ZDHHC11: variants seen among roughly 807,000 people sequenced by gnomAD.
The protein encoded by ZDHHC11 is palmitoyltransferase ZDHHC11.
In ZDHHC11, 44 loss-of-function variants were observed where a neutral mutation model predicts 51.3. The observed-to-expected ratio is 0.86, with a 90% CI of 0.67 to 1.10. The LOEUF (loss-of-function observed/expected upper bound fraction) is 1.10, where lower values mean the gene tolerates loss of function less well. Ranked by LOEUF, ZDHHC11 falls within the 50% of genes least tolerant of loss-of-function variation. The probability of loss-of-function intolerance (pLI) is 0.00; values close to 1 mark genes in which losing one functional copy is unlikely to be tolerated. For missense variants in ZDHHC11, 400 were observed against 537.7 expected, an observed-to-expected ratio of 0.74 and a Z score of 2.53; for synonymous variants, 163 against 222.0, an observed-to-expected ratio of 0.73 and a Z score of 2.36.
At chr5:858,610 G>A (rs1057434171) in intron 1 of ZDHHC11, among the ~76,000 whole-genome samples, 2 of 152,068 alleles carry the variant, frequency 1.3e-5, no homozygotes, top group East Asian at 1.9e-4. Context: ...CCCCCCAAAC[G>A]TGTCCTCGTC....
intron 11 of ZDHHC11, among the ~76,000 whole-genome samples, chr5:808,520 C>T (rs1341273637): frequency 6.7e-6 from 1 of 148,910 alleles, no homozygotes; most frequent in Non-Finnish European, 1.5e-5. Flanking sequence ...AACACACTTA[C>T]GTGTTCCATC....
rs561114627 is a variant in ZDHHC11, at chr5:818,092, G to A, written c.1146+1433C>T. On this transcript the variant is annotated intron_variant, in intron 10 of 12. Transcript: ENST00000283441. ...CGGAGACGCGGGCTTGGGATCCAAC[G>A]TGATGCTGAGCGGATCTTCTCTGCT... Among the ~76,000 whole-genome samples the A allele has an allele frequency of 1.3e-5, 2 of 151,384 alleles. 1 individual carries two copies. Among genetic ancestry groups the A allele is most frequent in the South Asian group, 4.2e-4 (2 of 4,774 alleles).
intron 1 of ZDHHC11, 92 bp from the exon 2 acceptor site, chr5:848,752 G>C: frequency 6.5e-7 from 1 of 1,531,658 alleles, no homozygotes; most frequent in Non-Finnish European, 8.8e-7. Context: ...AGGCGTGGCC[G>C]CTGGTCAGCC....
intron 3 of ZDHHC11, among the ~76,000 whole-genome samples, chr5:846,570 C>G (rs1746203103): frequency 6.8e-6 from 1 of 147,376 alleles, no homozygotes. Context: ...CCACCGTGCT[C>G]AGGGGAAACA....
chr5:855,991 G>C (rs902929736), intron 1 of ZDHHC11, among the ~76,000 whole-genome samples: 1 of 151,974 alleles, frequency 6.6e-6, no homozygotes, highest in Non-Finnish European at 1.5e-5. Context: ...GCGGAGGACA[G>C]CAAGCAAGGG....
At chr5:860,418 C>T (rs370527892), upstream of ZDHHC11, among the ~76,000 whole-genome samples, 1 of 152,204 alleles carries the variant, frequency 6.6e-6, no homozygotes, top group East Asian at 1.9e-4. The surrounding 1 kb of genome is among the most constrained non-coding windows in gnomAD (Gnocchi z 4.2). Context: ...CGTCCTGACA[C>T]CTGCAGGTAT....
intron 7 of ZDHHC11, among the ~76,000 whole-genome samples, chr5:825,526 C>T (rs1238433523): frequency 2.0e-5 from 3 of 152,158 alleles, no homozygotes; most frequent in African/African-American, 7.2e-5. Flanking sequence ...ACCTGCCCTA[C>T]ACCAGTGCCT....
At chr5:798,398 C>T (rs1318314745) in intron 12 of ZDHHC11, among the ~76,000 whole-genome samples, 1 of 151,632 alleles carries the variant, frequency 6.6e-6, no homozygotes, top group African/African-American at 2.4e-5. Context: ...CTCACATGGA[C>T]ACGGACACGC....
At chr5:839,551 T>G (rs1744430426) in intron 5 of ZDHHC11, 2 of 149,634 alleles carry the variant, frequency 1.3e-5, no homozygotes, top group Admixed American at 6.6e-5. Flanking sequence ...GCGTTAGAGG[T>G]GTGTGTTTTA....
intron 5 of ZDHHC11, chr5:840,077 C>T (rs390797): frequency 0.014 from 7,885 of 565,618 alleles, 52 homozygotes; most frequent in African/African-American, 0.083. Context: ...TAGTGGGTGA[C>T]CTGCCTGTAA....
chr5:854,060 G>C (rs556387645), upstream of ZDHHC11, among the ~76,000 whole-genome samples: 6 of 149,998 alleles, frequency 4.0e-5, no homozygotes, highest in African/African-American at 1.2e-4. Flanking sequence ...GAGCAGCCGG[G>C]ACAGACCCCA....
At chr5:807,206 A>G (rs532256468) in intron 11 of ZDHHC11, among the ~76,000 whole-genome samples, 2 of 150,894 alleles carry the variant, frequency 1.3e-5, no homozygotes, top group African/African-American at 4.9e-5. Context: ...GAAAAAGGTG[A>G]TTCCTCAAAG....
intron 11 of ZDHHC11, among the ~76,000 whole-genome samples, chr5:807,589 C>T (rs1475922882): frequency 2.0e-5 from 3 of 151,840 alleles, no homozygotes; most frequent in African/African-American, 7.3e-5. Context: ...GGATCCAAAA[C>T]AAGGGGAAAG....
chr5:796,963 T>G (rs1737668966), intron 12 of ZDHHC11, among the ~76,000 whole-genome samples: 2 of 151,896 alleles, frequency 1.3e-5, no homozygotes, highest in African/African-American at 4.8e-5. Context: ...ATCCCAGCAC[T>G]TTGGGAGTCC....
intron 3 of ZDHHC11, among the ~76,000 whole-genome samples, chr5:844,236 G>C (rs1330681050): frequency 2.0e-5 from 3 of 152,288 alleles, no homozygotes; most frequent in African/African-American, 4.8e-5. Context: ...GCTGGAGAGG[G>C]GTGGCCGTGG....
At chr5:800,964 G>A (rs1294592395) in intron 12 of ZDHHC11, 136 bp downstream of exon 12, 19 of 983,484 alleles carry the variant, frequency 1.9e-5, no homozygotes, top group Non-Finnish European at 2.8e-5. Context: ...TGGGGTTACT[G>A]TTGACATCAA....
At chr5:845,490 T>C (rs1287121223) in intron 3 of ZDHHC11, among the ~76,000 whole-genome samples, 1 of 152,240 alleles carries the variant, frequency 6.6e-6, no homozygotes, top group Non-Finnish European at 1.5e-5. Context: ...CTGCCCCTGC[T>C]GCCTGTGTTT....
At chr5:803,246 G>A (rs543640339) in intron 11 of ZDHHC11, among the ~76,000 whole-genome samples, 1 of 151,428 alleles carries the variant, frequency 6.6e-6, no homozygotes, top group East Asian at 1.9e-4. Flanking sequence ...GATCAATACA[G>A]AGGCTTGCCT....
chr5:797,323 A>G (rs1246420141), intron 12 of ZDHHC11, among the ~76,000 whole-genome samples: 2 of 151,598 alleles, frequency 1.3e-5, no homozygotes, highest in African/African-American at 4.8e-5. Flanking sequence ...GGGCTTTATG[A>G]ATCTGTGAGT....
Sources: gnomAD v4.1 joint callset for allele counts (sites outside exome capture counted in the v4.1 genomes callset) on GRCh38, gnomAD v4.1.1 for gene constraint, Gnocchi (gnomAD v3.1) non-coding constraint, MANE v1.5 for transcripts, NCBI Gene and HGNC (gene_info 2026-07-23, HGNC 2026-07-21) for gene names.